SOX6: variants seen among roughly 807,000 people sequenced by gnomAD.
The protein encoded by SOX6 is transcription factor SOX-6.
A neutral mutation model predicts 97.8 loss-of-function variants in SOX6; 11 were observed. That is an observed-to-expected ratio of 0.11 (90% confidence interval 0.07 to 0.19). The LOEUF (loss-of-function observed/expected upper bound fraction) is 0.19. Ranked by LOEUF, SOX6 falls within the 10% of genes least tolerant of loss-of-function variation. SOX6 has a pLI of 1.00. For missense variants in SOX6, 810 were observed against 1,039.5 expected (o/e 0.78, Z 3.04); for synonymous variants, 360 against 371.4 (o/e 0.97, Z 0.35).
intron 12 of SOX6, among the ~76,000 whole-genome samples, chr11:16,046,125 C>T (rs1012370418): frequency 4.6e-5 from 7 of 152,178 alleles, no homozygotes; most frequent in Non-Finnish European, 7.4e-5. Context: ...TTTAGTATTA[C>T]ATTTAATGGT....
At chr11:16,470,770 T>C (rs962033100) in intron 1 of SOX6, among the ~76,000 whole-genome samples, 1 of 152,194 alleles carries the variant, frequency 6.6e-6, no homozygotes, top group Admixed American at 6.5e-5. Context: ...TGAATCCTGC[T>C]ACTCTGCAAA....
chr11:16,221,950 C>T (rs1052122718), intron 4 of SOX6, among the ~76,000 whole-genome samples: 7 of 152,168 alleles, frequency 4.6e-5, no homozygotes, highest in African/African-American at 1.7e-4. Context: ...TCTACTGGAC[C>T]TAACTTTTAA....
At chr11:16,654,606 C>T (rs1847698624) in intron 3 of SOX6, among the ~76,000 whole-genome samples, 1 of 152,124 alleles carries the variant, frequency 6.6e-6, no homozygotes, top group Non-Finnish European at 1.5e-5. Context: ...TCACTCTTGA[C>T]TGATGGCATA....
At chr11:16,682,086 G>C (rs1305360459) in intron 3 of SOX6, among the ~76,000 whole-genome samples, 1 of 152,248 alleles carries the variant, frequency 6.6e-6, no homozygotes, top group Non-Finnish European at 1.5e-5. Context: ...AATAGAAAAA[G>C]AGGGAATGCT....
At chr11:16,498,061 C>G (rs1194796310) in intron 4 of SOX6, among the ~76,000 whole-genome samples, 1 of 152,122 alleles carries the variant, frequency 6.6e-6, no homozygotes, top group African/African-American at 2.4e-5. Context: ...TAAGCGAAGC[C>G]AGAGAGAAAG....
chr11:16,498,539 T>A (rs552875956), intron 4 of SOX6, among the ~76,000 whole-genome samples: 17 of 152,142 alleles, frequency 1.1e-4, no homozygotes, highest in Admixed American at 3.9e-4. Context: ...TCAAGACCCA[T>A]CAGTGTGCTG....
chr11:16,112,049 T>C (rs1590203744), intron 6 of SOX6, 126 bp from the exon 7 acceptor site: 3 of 1,198,728 alleles, frequency 2.5e-6, no homozygotes, highest in South Asian at 2.6e-5. Context: ...ATTCCAAATC[T>C]GCAATCTGAG....
Position 16,610,969 on chromosome 11 carries a change from CAAG to C in SOX6, n.609+1109_609+1111del, listed in dbSNP as rs990295750. 6.6e-6 allele frequency among the ~76,000 whole-genome samples: 1 copy of C among 152,202 alleles called. No individual in the cohort carries two copies. The highest frequency in any genetic ancestry group is 1.5e-5 in the Non-Finnish European group (1 of 68,032). ...CTGGGGGTTGGAGCCCCACGCGGCG[CAAG>C]AACCCCGGGCGCTGAGCTCCGGGGA... On this transcript the variant is annotated intron_variant and non_coding_transcript_variant, in intron 4 of 5. Coordinates refer to the SOX6 transcript ENST00000524520. The surrounding 1 kb of genome is among the most constrained non-coding windows in gnomAD (Gnocchi z 4.4).
chr11:16,717,637 A>G (rs1848228200), intron 2 of SOX6, among the ~76,000 whole-genome samples: 1 of 152,128 alleles, frequency 6.6e-6, no homozygotes, highest in African/African-American at 2.4e-5. Context: ...TTTGTATTCA[A>G]TTACCGTATT....
At chr11:16,634,666 T>G (rs1848758352) in intron 3 of SOX6, among the ~76,000 whole-genome samples, 1 of 152,224 alleles carries the variant, frequency 6.6e-6, no homozygotes, top group Admixed American at 6.5e-5. Flanking sequence ...TCTAGAAAAT[T>G]TCTATTTTAT....
At position 16,209,517 on chromosome 11, in the gene SOX6, A is replaced by G. The variant is rs191535422; in HGVS notation, c.536-22562T>C. ...ACACCGGTAATCCCAGCACTTTGGG[A>G]GGCCGAAGTGGGAGGATCACTTGAG... On this transcript the variant is annotated intron_variant, in intron 4 of 15. Transcript: ENST00000683767. Among the ~76,000 whole-genome samples the G allele has an allele frequency of 8.2e-3, 1,253 of 152,228 alleles. 15 individuals carry two copies. Among genetic ancestry groups the G allele is most frequent in the African/African-American group, 0.025 (1,041 of 41,532 alleles).
In SOX6 at chr11:16,049,762, G is replaced by A. The variant is rs746598584; in HGVS notation, c.1428C>T (p.Ser476=). Reference sequence around the variant, plus strand: ...GTTGACTTTTCCATTTACCTAAAGAGGATCCTCTTCCCAGGCTTCCTCCAA... The same window carrying A: ...GTTGACTTTTCCATTTACCTAAAGAAGATCCTCTTCCCAGGCTTCCTCCAA... ...SPIGGSLGRG[S]SLDILSSLNS... Residue 476 remains serine (S), a synonymous_variant, in exon 11 of 16, where the codon TCC becomes TCT. Coordinates refer to ENST00000683767, the MANE Select transcript of SOX6 (RefSeq NM_001367873.1). The A allele has an allele frequency of 1.2e-5, 20 of 1,613,284 alleles. No individual in the cohort carries two copies. Among genetic ancestry groups the A allele is most frequent in the Non-Finnish European group, 1.7e-5 (20 of 1,179,774 alleles).
chr11:16,350,006 C>T (rs976562989), intron 1 of SOX6, among the ~76,000 whole-genome samples: 3 of 152,108 alleles, frequency 2.0e-5, no homozygotes, highest in African/African-American at 7.2e-5. Flanking sequence ...CATTTATGAT[C>T]ATTTAACACA....
Position 15,991,310 on chromosome 11 carries a change from G to A in SOX6, c.1733-2080C>T, listed in dbSNP as rs556414948. On this transcript the variant is annotated intron_variant, in intron 13 of 15. Transcript: ENST00000683767. ...TGGGTTTGACAGCCATGTTTATTGC[G>A]CAGTGAAATGTAGTGTAGCTTCCAG... is the stretch of plus-strand genomic sequence containing the variant. Among the ~76,000 whole-genome samples the A allele has an allele frequency of 5.3e-5, 8 of 152,216 alleles. No homozygotes were observed. In the East Asian group the frequency reaches 5.8e-4, roughly 11 times the overall value.
chr11:15,982,673 GAA>G (rs566858772), intron 15 of SOX6, among the ~76,000 whole-genome samples: 1 of 150,510 alleles, frequency 6.6e-6, no homozygotes, highest in African/African-American at 2.4e-5. Flanking sequence ...ATAAACGCAA[GAA>G]AAAAAAAGTC....
intron 1 of SOX6, among the ~76,000 whole-genome samples, chr11:16,351,865 T>C (rs2134360220): frequency 6.6e-6 from 1 of 152,248 alleles, no homozygotes; most frequent in East Asian, 1.9e-4. Context: ...CATTATATTT[T>C]CTAAGTAACC....
intron 3 of SOX6, among the ~76,000 whole-genome samples, chr11:16,243,412 C>T (rs927217298): frequency 6.6e-6 from 1 of 151,858 alleles, no homozygotes; most frequent in Non-Finnish European, 1.5e-5. Flanking sequence ...ATGCTTAACC[C>T]AGAGCTCTGC....
At chr11:16,248,529 C>T (rs1239811496) in intron 3 of SOX6, among the ~76,000 whole-genome samples, 1 of 152,244 alleles carries the variant, frequency 6.6e-6, no homozygotes, top group Non-Finnish European at 1.5e-5. Flanking sequence ...TGTGCACCCT[C>T]AGATCCTACC....
chr11:16,603,847 G>A (rs1055021584), intron 4 of SOX6, among the ~76,000 whole-genome samples: 2 of 152,176 alleles, frequency 1.3e-5, no homozygotes, highest in African/African-American at 4.8e-5. Context: ...CCAAGACAAG[G>A]CTACACTGTC....
Sources: gnomAD v4.1 joint callset for allele counts (sites outside exome capture counted in the v4.1 genomes callset) on GRCh38, gnomAD v4.1.1 for gene constraint, Gnocchi (gnomAD v3.1) non-coding constraint, MANE v1.5 for transcripts, NCBI Gene and HGNC (gene_info 2026-07-23, HGNC 2026-07-21) for gene names.